TMEM132B: variants seen among roughly 807,000 people sequenced by gnomAD.
TMEM132B encodes transmembrane protein 132B.
TMEM132B carries 18 observed loss-of-function variants against 90.8 expected under a neutral mutation model. That is an observed-to-expected ratio of 0.20 (90% CI 0.14 to 0.29). TMEM132B has a LOEUF of 0.29. TMEM132B is among the 10% of genes least tolerant of loss of function. TMEM132B has a pLI of 1.00. For missense variants in TMEM132B, 1,096 were observed against 1,326.8 expected, an observed-to-expected ratio of 0.83 and a Z score of 2.70; for synonymous variants, 504 against 523.3, an observed-to-expected ratio of 0.96 and a Z score of 0.50.
intron 4 of TMEM132B, among the ~76,000 whole-genome samples, chr12:125,572,142 A>G (rs987785384): frequency 2.0e-5 from 3 of 152,232 alleles, no homozygotes; most frequent in South Asian, 2.1e-4. Context: ...AAGTGATGCT[A>G]TCTCCTTTTC....
chr12:125,514,760 G>A (rs1883064574), intron 3 of TMEM132B, among the ~76,000 whole-genome samples: 1 of 151,926 alleles, frequency 6.6e-6, no homozygotes, highest in African/African-American at 2.4e-5. Flanking sequence ...CCCTTCCCTG[G>A]TCCTGTGAAG....
At chr12:125,389,013 T>TACACACACAC (rs71447042) in intron 2 of TMEM132B, among the ~76,000 whole-genome samples, 45 of 140,190 alleles carry the variant, frequency 3.2e-4, no homozygotes, top group East Asian at 8.7e-4. Context: ...ATATTTTCTG[T>TACACACACAC]ACACACACAC....
At chr12:125,519,382 G>T (rs1883246777) in intron 3 of TMEM132B, 57 bp from the exon 4 acceptor site, 2 of 1,498,466 alleles carry the variant, frequency 1.3e-6, no homozygotes, top group East Asian at 2.3e-5. Flanking sequence ...TTACATTCTT[G>T]ACATTTTGCT....
At chr12:125,322,806 A>G (rs1876464443) in intron 1 of TMEM132B, among the ~76,000 whole-genome samples, 1 of 152,222 alleles carries the variant, frequency 6.6e-6, no homozygotes, top group African/African-American at 2.4e-5. Flanking sequence ...ACAGGCAGTC[A>G]ACATGATTAG....
chr12:125,524,154 C>T (rs1456139598), intron 4 of TMEM132B, among the ~76,000 whole-genome samples: 1 of 152,200 alleles, frequency 6.6e-6, no homozygotes, highest in South Asian at 2.1e-4. Flanking sequence ...TGTGAGTTTA[C>T]AAGCAAGAGT....
intron 3 of TMEM132B, among the ~76,000 whole-genome samples, chr12:125,451,679 A>C (rs1405939261): frequency 6.7e-6 from 1 of 148,848 alleles, no homozygotes; most frequent in Non-Finnish European, 1.5e-5. Context: ...TCGTCTCCTC[A>C]TGTGTGTAGG....
intron 1 of TMEM132B, among the ~76,000 whole-genome samples, chr12:125,271,101 C>G (rs1324214128): frequency 6.6e-6 from 1 of 152,048 alleles, no homozygotes; most frequent in Non-Finnish European, 1.5e-5. Context: ...TAGGTGTGCA[C>G]CACCATGTAC....
At chr12:125,368,574 G>A (rs996659811) in intron 2 of TMEM132B, among the ~76,000 whole-genome samples, 3 of 152,290 alleles carry the variant, frequency 2.0e-5, no homozygotes, top group Admixed American at 1.3e-4. Flanking sequence ...TGCCCAGTGG[G>A]AGGCAGCAGT....
At chr12:125,568,102 C>A (rs998833456) in intron 4 of TMEM132B, among the ~76,000 whole-genome samples, 9 of 152,166 alleles carry the variant, frequency 5.9e-5, no homozygotes, top group African/African-American at 1.7e-4. Context: ...TCATCTCATT[C>A]TCTCTGTCTA....
intron 3 of TMEM132B, among the ~76,000 whole-genome samples, chr12:125,480,207 G>A (rs1362150556): frequency 2.0e-5 from 3 of 152,136 alleles, no homozygotes; most frequent in Non-Finnish European, 4.4e-5. Context: ...AGTTAGAGAA[G>A]CAAGAGCAAA....
Position 125,326,490 on chromosome 12 carries a change from G to A in TMEM132B, c.68-22962G>A, listed in dbSNP as rs550918764. On this transcript the variant is annotated intron_variant, in intron 1 of 8. Coordinates refer to ENST00000682704, the MANE Select transcript of TMEM132B (RefSeq NM_001366854.1). ...TGGAGCACATGAGCTCTGACATTCC[G>A]TTGTCCTGGCAACCTGTATAGTAAA... is the stretch of plus-strand genomic sequence containing the variant. The A allele has an allele frequency of 1.2e-3, 1,171 of 1,012,648 alleles. 18 individuals carry two copies. In the South Asian group the frequency reaches 0.015, roughly 13 times the overall value. 62.7% of individuals were successfully genotyped at this position (1,012,648 alleles called of 1,614,324 possible). A position where few individuals can be genotyped will look rare whatever the true frequency, so the allele number is the denominator to read the frequency against.
intron 4 of TMEM132B, among the ~76,000 whole-genome samples, chr12:125,557,469 C>G (rs1039192147): frequency 6.6e-6 from 1 of 152,158 alleles, no homozygotes; most frequent in Non-Finnish European, 1.5e-5. Context: ...TACATATCAT[C>G]TGGGTCAATT....
intron 4 of TMEM132B, among the ~76,000 whole-genome samples, chr12:125,569,226 T>A: frequency 6.6e-6 from 1 of 152,096 alleles, no homozygotes; most frequent in East Asian, 1.9e-4. Flanking sequence ...CCCCAGTCAC[T>A]CAGCAGTATC....
intron 3 of TMEM132B, among the ~76,000 whole-genome samples, chr12:125,431,707 G>C (rs943623636): frequency 6.6e-6 from 1 of 152,226 alleles, no homozygotes; most frequent in African/African-American, 2.4e-5. Flanking sequence ...GCAGCCAGCT[G>C]CATTGTCCTT....
intron 2 of TMEM132B, among the ~76,000 whole-genome samples, chr12:125,414,345 G>A (rs1410373438): frequency 6.6e-6 from 1 of 151,646 alleles, no homozygotes; most frequent in Non-Finnish European, 1.5e-5. Context: ...GCTGCTATGT[G>A]TGGATTTGAT....
chr12:125,517,327 ATTTTTTTTTT>A (rs56147854), intron 3 of TMEM132B, among the ~76,000 whole-genome samples: 2 of 28,484 alleles, frequency 7.0e-5, no homozygotes, highest in Non-Finnish European at 1.5e-4. Context: ...TGCCCTGCTG[ATTTTTTTTTT>A]TTTTTTTTTT....
chr12:125,509,302 C>T (rs867927960), intron 3 of TMEM132B, among the ~76,000 whole-genome samples: 2 of 152,204 alleles, frequency 1.3e-5, no homozygotes, highest in Non-Finnish European at 2.9e-5. Flanking sequence ...TGGGCCGGGG[C>T]TTCCTGGCGC....
Position 125,650,805 on chromosome 12 carries a change from G to T in TMEM132B, c.1766G>T (p.Gly589Val). ...TTTGTGGCCGAGTCACCTGACTTAGGGCAGCTGACCTACATGCTGGGCCCC... is the reference window on the plus strand; with the variant it reads ...TTTGTGGCCGAGTCACCTGACTTAGTGCAGCTGACCTACATGCTGGGCCCC... ...TQFVAESPDL[G>V]QLTYMLGPDW... is the part of the protein sequence containing the mutation. Residue 589 changes from glycine to valine, a missense_variant, in exon 7 of 9, where the codon GGG becomes GTG. Physicochemically the swap from Gly to Val is moderately radical, Grantham distance 109. Coordinates refer to ENST00000682704, the MANE Select transcript of TMEM132B (RefSeq NM_001366854.1). 1.2e-6 allele frequency: 2 copies of T among 1,614,200 alleles called. No homozygotes were observed. The highest frequency in any genetic ancestry group is 1.7e-6 in the Non-Finnish European group (2 of 1,180,024).
intron 2 of TMEM132B, among the ~76,000 whole-genome samples, chr12:125,397,085 C>T (rs1220002603): frequency 6.6e-6 from 1 of 152,032 alleles, no homozygotes; most frequent in Non-Finnish European, 1.5e-5. Flanking sequence ...AATTCCCCTG[C>T]CTCAGCCTCC....
Sources: gnomAD v4.1 joint callset for allele counts (sites outside exome capture counted in the v4.1 genomes callset) on GRCh38, gnomAD v4.1.1 for gene constraint, MANE v1.5 for transcripts, NCBI Gene and HGNC (gene_info 2026-07-23, HGNC 2026-07-21) for gene names.